The following RAB40C variants were observed in gnomAD, a reference collection of about 807,000 sequenced individuals.
The protein encoded by RAB40C is RAB40C, member RAS oncogene family, also known as ras-related protein Rab-40C.
A neutral mutation model predicts 28.1 loss-of-function variants in RAB40C; 8 were observed. That is an observed-to-expected ratio of 0.28 (90% CI 0.17 to 0.51). RAB40C has a LOEUF of 0.51. RAB40C is among the 20% of genes least tolerant of loss of function. The pLI is 0.97. For missense variants in RAB40C, 288 were observed against 405.9 expected (o/e 0.71, Z 2.50); for synonymous variants, 201 against 171.7 (o/e 1.17, Z -1.34).
chr16:619,101 C>G (rs1230243742), intron 3 of RAB40C, among the ~76,000 whole-genome samples: 2 of 143,210 alleles, frequency 1.4e-5, no homozygotes, highest in Admixed American at 1.4e-4. Context: ...GGCATGTGCA[C>G]AGGTCTGGCG....
chr16:607,745 C>T (rs537234880), intron 1 of RAB40C, among the ~76,000 whole-genome samples: 50 of 152,186 alleles, frequency 3.3e-4, no homozygotes, highest in African/African-American at 1.1e-3. Flanking sequence ...GAGCCGAGAT[C>T]GCGCCACTGC....
At chr16:619,320 T>A (rs1436882755) in intron 3 of RAB40C, among the ~76,000 whole-genome samples, 2 of 147,820 alleles carry the variant, frequency 1.4e-5, no homozygotes, top group African/African-American at 5.1e-5. Flanking sequence ...GTGGGTGCAC[T>A]CAGGGCCATG....
chr16:610,510 G>A lies in RAB40C; in HGVS notation c.143-6698G>A, dbSNP rs2036461362. On this transcript the variant is annotated intron_variant, in intron 1 of 5. Coordinates refer to ENST00000248139, the MANE Select transcript of RAB40C (RefSeq NM_021168.5). The surrounding 1 kb of genome is among the most constrained non-coding windows in gnomAD (Gnocchi z 4.6). ...ACTGGCGCCCTTGCCTTTTCACTGA[G>A]CCGGGTATTAGCTTAGCTTATTTTT... Among the ~76,000 whole-genome samples the A allele has an allele frequency of 6.6e-6, 1 of 152,140 alleles. No homozygotes were observed. Among genetic ancestry groups the A allele is most frequent in the African/African-American group, 2.4e-5 (1 of 41,428 alleles).
upstream of RAB40C, chr16:589,898 T>G (rs116606022): frequency 0.044 from 6,542 of 150,090 alleles, 492 homozygotes; most frequent in African/African-American, 0.15. Context: ...CTCTGGTGAC[T>G]ACGGGAAGGC....
chr16:596,222 G>C, intron 1 of RAB40C: 1 of 446,180 alleles, frequency 2.2e-6, no homozygotes, highest in Non-Finnish European at 4.5e-6. Flanking sequence ...GTTTCAGGAA[G>C]GAAGCCACAT....
chr16:625,748 G>C, intron 4 of RAB40C, 151 bp from the exon 5 acceptor site: 1 of 884,568 alleles, frequency 1.1e-6, no homozygotes, highest in South Asian at 1.6e-5. Context: ...TAGGGCCTGA[G>C]CCCTGGGGTC....
At position 624,242 on chromosome 16, in the gene RAB40C, C is replaced by T. The variant is rs920614550; in HGVS notation, c.265-1190C>T. Reference sequence around the variant, plus strand: ...ACTAGGGAGAGTGGGCTGTGTTGTACGCTTTGGTGGCCCACTCCCCAGTCT... The same window carrying T: ...ACTAGGGAGAGTGGGCTGTGTTGTATGCTTTGGTGGCCCACTCCCCAGTCT... On this transcript the variant is annotated intron_variant, in intron 3 of 5. Coordinates refer to ENST00000248139, the MANE Select transcript of RAB40C (RefSeq NM_021168.5). 1.3e-5 allele frequency: 13 copies of T among 985,350 alleles called. No individual in the cohort carries two copies. In the Admixed American group the frequency reaches 4.9e-4, roughly 37 times the overall value. 61.0% of individuals were successfully genotyped at this position (985,350 alleles called of 1,614,324 possible).
At chr16:590,980 C>T (rs761340708) in intron 1 of RAB40C, among the ~76,000 whole-genome samples, 1 of 148,118 alleles carries the variant, frequency 6.8e-6, no homozygotes, top group Non-Finnish European at 1.5e-5. Context: ...GTCATGGTCC[C>T]GGTAGAAGGC....
At chr16:595,799 C>T (rs2036107248) in intron 1 of RAB40C, among the ~76,000 whole-genome samples, 1 of 152,106 alleles carries the variant, frequency 6.6e-6, no homozygotes, top group African/African-American at 2.4e-5. Context: ...GATGGGGTTT[C>T]ACTGTGTTGG....
chr16:602,034 G>A (rs183948483), intron 1 of RAB40C, among the ~76,000 whole-genome samples: 97 of 152,164 alleles, frequency 6.4e-4, no homozygotes, highest in African/African-American at 1.9e-3. Flanking sequence ...GCTGAGGCAA[G>A]AGAATCGCTT....
chr16:604,794 T>A (rs1381270368), intron 1 of RAB40C, among the ~76,000 whole-genome samples: 1 of 152,216 alleles, frequency 6.6e-6, no homozygotes, highest in Non-Finnish European at 1.5e-5. Context: ...GTGTGGTGGC[T>A]CATGCCTGTA....
rs1596409548 is a variant in RAB40C at position 613,897 on chromosome 16, C to T, written c.143-3311C>T. Among the ~76,000 whole-genome samples the T allele has an allele frequency of 1.3e-5, 2 of 152,272 alleles. 1 individual carries two copies. The highest frequency in any genetic ancestry group is 3.9e-4 in the East Asian group (2 of 5,172). On this transcript the variant is annotated intron_variant, in intron 1 of 5. Transcript: ENST00000248139. ...CTTGAGGAGCAGGATTCCTGACTGG[C>T]TTGCTGTGAAGGGCACCACTGGGGC... is the stretch of plus-strand genomic sequence containing the variant.
At position 625,438 on chromosome 16, in the gene RAB40C, C is replaced by A. The variant is rs1213297962; in HGVS notation, c.271C>A (p.Leu91Ile). 2.8e-5 allele frequency: 45 copies of A among 1,613,342 alleles called. No individual in the cohort carries two copies. Among genetic ancestry groups the A allele is most frequent in the Non-Finnish European group, 3.7e-5 (44 of 1,179,922 alleles). ...RSYSRGAQGI[L>I]LVYDITNRWS... is the part of the protein sequence containing the mutation. ...CCCCAAGTCTCTGTTGCAGGGGATC[C>A]TCTTGGTGTATGACATCACCAACCG... is the stretch of plus-strand genomic sequence containing the variant. The change falls in exon 4 of 6, where the codon CTC becomes ATC. Residue 91 changes from leucine (L) to isoleucine (I), a missense_variant. By Grantham distance (5) the Leu-to-Ile change is conservative. Transcript: ENST00000248139.
intron 1 of RAB40C, among the ~76,000 whole-genome samples, chr16:597,411 CT>C (rs1190349027): frequency 1.3e-5 from 2 of 151,908 alleles, no homozygotes; most frequent in African/African-American, 4.8e-5. Flanking sequence ...GTGGTCCTGG[CT>C]GTGTAAACTG....
chr16:612,919 C>T (rs1456963303), intron 1 of RAB40C, among the ~76,000 whole-genome samples: 1 of 48,970 alleles, frequency 2.0e-5, no homozygotes, highest in African/African-American at 1.0e-4. Context: ...CCGCCCTGGC[C>T]TGTAGAATCA....
Position 627,739 on chromosome 16 carries a change from C to A in RAB40C, c.*117C>A. The A allele has an allele frequency of 7.8e-7, 1 of 1,289,644 alleles. No individual in the cohort carries two copies. Among genetic ancestry groups the A allele is most frequent in the Non-Finnish European group, 1.0e-6 (1 of 966,988 alleles). The allele number at this position is 1,289,644 out of a possible 1,614,324, so 79.9% of individuals were successfully genotyped here. A position where few individuals can be genotyped will look rare whatever the true frequency, so the allele number is the denominator to read the frequency against. ...ACTGTCCACACAGCTGCCTCAGAAG[C>A]GCCGGGCTTTCCTCACACCTGAGCC... is the stretch of plus-strand genomic sequence containing the variant. On this transcript the variant is annotated 3_prime_UTR_variant, in exon 6 of 6. Coordinates refer to ENST00000248139, the MANE Select transcript of RAB40C (RefSeq NM_021168.5).
At chr16:600,526 G>A (rs1341120163) in intron 1 of RAB40C, among the ~76,000 whole-genome samples, 1 of 152,222 alleles carries the variant, frequency 6.6e-6, no homozygotes, top group African/African-American at 2.4e-5. Context: ...GCCGAGGCGG[G>A]CGGATCACAA....
chr16:625,191 G>A (rs752963341), intron 3 of RAB40C: 26 of 1,410,448 alleles, frequency 1.8e-5, no homozygotes, highest in African/African-American at 5.7e-5. Flanking sequence ...GAGGGGAAGC[G>A]GCATTTCTGA....
Position 618,188 on chromosome 16 carries a change from C to T in RAB40C, c.204-12C>T, listed in dbSNP as rs368725618. The T allele has an allele frequency of 5.1e-5, 82 of 1,611,486 alleles. 1 individual carries two copies. The African/African-American group carries it at 6.4e-4, about 13-fold the overall frequency. ...CCACAGTCCCGGCCCCTCCCCTCCC[C>T]GTATGTTTCAGGGACACGTCGGGCC... On this transcript the variant is annotated splice_polypyrimidine_tract_variant and intron_variant, in intron 2 of 5. Transcript: ENST00000248139.
Sources: gnomAD v4.1 joint callset for allele counts (sites outside exome capture counted in the v4.1 genomes callset) on GRCh38, gnomAD v4.1.1 for gene constraint, Gnocchi (gnomAD v3.1) non-coding constraint, MANE v1.5 for transcripts, NCBI Gene and HGNC (gene_info 2026-07-23, HGNC 2026-07-21) for gene names.